Variants in SLC12A8 observed in about 807,000 individuals in gnomAD.
The protein encoded by SLC12A8 is solute carrier family 12 member 8.
A neutral mutation model predicts 75.6 loss-of-function variants in SLC12A8; 69 were observed. That is an observed-to-expected ratio of 0.91 (90% confidence interval 0.75 to 1.11). SLC12A8 has a LOEUF of 1.11. Ranked by LOEUF, SLC12A8 falls within the 50% of genes most tolerant of loss-of-function variation. The pLI is 0.00. For missense variants in SLC12A8, 877 were observed against 896.7 expected (o/e 0.98, Z 0.28); for synonymous variants, 365 against 372.8 (o/e 0.98, Z 0.24).
At chr3:125,120,938 C>T (rs1486071248) in intron 6 of SLC12A8, 11 of 686,190 alleles carry the variant, frequency 1.6e-5, no homozygotes, top group Non-Finnish European at 2.9e-5. Flanking sequence ...CCAAAAGCAT[C>T]CTACCGCTCA....
At chr3:125,170,013 G>GA (rs5852444) in intron 5 of SLC12A8, among the ~76,000 whole-genome samples, 152,065 of 152,084 alleles carry the variant, frequency 1, 76,023 homozygotes, top group Middle Eastern at 1. Context: ...ACAATTCAAA[G>GA]AAAAAAATAC....
Position 125,099,213 on chromosome 3 carries a change from C to T in SLC12A8, c.1706-7015G>A, listed in dbSNP as rs532335676. ...GACACAGGGGGCAACTCCTAGGAAG[C>T]AAGGCTAAACACATAAGAATAAAAA... On this transcript the variant is annotated intron_variant, in intron 10 of 13. Transcript: ENST00000469902. Among the ~76,000 whole-genome samples, 333 of 152,200 alleles carry T rather than the reference C, an allele frequency of 2.2e-3. 3 individuals carry two copies. The East Asian group carries it at 0.024, about 11-fold the overall frequency.
intron 5 of SLC12A8, among the ~76,000 whole-genome samples, chr3:125,159,612 T>C (rs898178374): frequency 6.6e-6 from 1 of 152,118 alleles, no homozygotes; most frequent in South Asian, 2.1e-4. Flanking sequence ...CAGGTATTTC[T>C]GGACATGGGT....
chr3:125,105,660 G>A lies in SLC12A8; in HGVS notation c.1705+1821C>T, dbSNP rs774972734. ...CTTAGTCATGATAACAAGAATACTA[G>A]CTTTTAATTTAATAAAAAACTGTGA... On this transcript the variant is annotated intron_variant, in intron 10 of 13. Coordinates refer to ENST00000469902, the MANE Select transcript of SLC12A8 (RefSeq NM_024628.6). Among the ~76,000 whole-genome samples, 9 of 152,304 alleles carry A rather than the reference G, an allele frequency of 5.9e-5. No homozygotes were observed. The South Asian group carries it at 6.2e-4, about 11-fold the overall frequency.
In SLC12A8 at chr3:125,094,051, C is replaced by T. The variant is rs1579463233; in HGVS notation, c.1706-1853G>A. The stretch of plus-strand genomic sequence containing the variant: ...GAAATCCTCATACTAATAATCTTTT[C>T]TTTCACTCATCCCAACTGTCAACTC... On this transcript the variant is annotated intron_variant, in intron 10 of 13. Coordinates refer to ENST00000469902, the MANE Select transcript of SLC12A8 (RefSeq NM_024628.6). Among the ~76,000 whole-genome samples, 3 of 152,294 alleles carry T rather than the reference C, an allele frequency of 2.0e-5. No homozygotes were observed. In the East Asian group the frequency reaches 5.8e-4, roughly 29 times the overall value.
chr3:125,211,905 A>C (rs112980643), intron 1 of SLC12A8, among the ~76,000 whole-genome samples: 3,860 of 152,194 alleles, frequency 0.025, 72 homozygotes, highest in Admixed American at 0.053. Context: ...AGGAGATTGA[A>C]GAGGGTGAGT....
chr3:125,115,855 C>A (rs1274008694), intron 8 of SLC12A8, among the ~76,000 whole-genome samples: 2 of 152,078 alleles, frequency 1.3e-5, no homozygotes, highest in Non-Finnish European at 2.9e-5. Context: ...TTTTCAGGCC[C>A]AGGAAAGCTC....
At chr3:125,089,947 C>T (rs942812032) in intron 12 of SLC12A8, among the ~76,000 whole-genome samples, 2 of 151,818 alleles carry the variant, frequency 1.3e-5, no homozygotes, top group Non-Finnish European at 2.9e-5. Flanking sequence ...CACCTTTATT[C>T]AGTTCAAAAT....
At chr3:125,114,258 G>C (rs1487243922) in intron 8 of SLC12A8, among the ~76,000 whole-genome samples, 3 of 152,192 alleles carry the variant, frequency 2.0e-5, no homozygotes, top group Non-Finnish European at 2.9e-5. Flanking sequence ...CCCACTCCCA[G>C]GTGCTGAGTG....
intron 6 of SLC12A8, among the ~76,000 whole-genome samples, chr3:125,128,206 A>G (rs1579490458): frequency 6.7e-5 from 6 of 90,108 alleles, no homozygotes; most frequent in East Asian, 3.5e-4. Flanking sequence ...TTTGAGACGG[A>G]GTCTCGCTCT....
At chr3:125,115,744 G>A (rs1939295030) in intron 8 of SLC12A8, among the ~76,000 whole-genome samples, 1 of 151,960 alleles carries the variant, frequency 6.6e-6, no homozygotes, top group Admixed American at 6.6e-5. Flanking sequence ...GAGTGCATTT[G>A]GGAGCTGCTT....
chr3:125,172,933 C>A (rs757607896), intron 5 of SLC12A8, among the ~76,000 whole-genome samples: 8 of 152,322 alleles, frequency 5.3e-5, no homozygotes, highest in Non-Finnish European at 1.2e-4. Context: ...AATCACAGCA[C>A]TTTGGGAGGC....
chr3:125,110,840 G>A lies in SLC12A8; in HGVS notation c.913-505C>T, dbSNP rs73191212. The A allele has an allele frequency of 7.4e-3, 1,128 of 152,666 alleles. 7 individuals are homozygous for A. The highest frequency in any genetic ancestry group is 0.024 in the South Asian group (117 of 4,830). The allele number at this position is 152,666 out of a possible 1,614,324, so 9.5% of individuals were successfully genotyped here. On this transcript the variant is annotated intron_variant, in intron 8 of 13. Coordinates refer to ENST00000469902, the MANE Select transcript of SLC12A8 (RefSeq NM_024628.6). ...ACTCAAATCTGACCACAATGTCTCC[G>A]TTGCAGATATATCAAAATCTCCCCC... is the stretch of plus-strand genomic sequence containing the variant.
intron 5 of SLC12A8, among the ~76,000 whole-genome samples, chr3:125,148,969 C>T (rs186397584): frequency 2.0e-5 from 3 of 152,076 alleles, no homozygotes; most frequent in African/African-American, 2.4e-5. Flanking sequence ...AAACCAGCAG[C>T]GGGGGGGCAC....
At chr3:125,140,905 T>C (rs1322563849) in intron 5 of SLC12A8, among the ~76,000 whole-genome samples, 2 of 152,090 alleles carry the variant, frequency 1.3e-5, no homozygotes, top group Non-Finnish European at 2.9e-5. Flanking sequence ...TTTCCAACAC[T>C]TGTTTTTTGA....
At chr3:125,188,435 C>T (rs1055794600) in intron 3 of SLC12A8, among the ~76,000 whole-genome samples, 1 of 152,186 alleles carries the variant, frequency 6.6e-6, no homozygotes, top group Non-Finnish European at 1.5e-5. Context: ...ATGTTTTCTT[C>T]CCCTTCATAT....
intron 5 of SLC12A8, among the ~76,000 whole-genome samples, chr3:125,170,026 G>C (rs1708338): frequency 0.9 from 136,832 of 152,104 alleles, 61,998 homozygotes; most frequent in Admixed American, 0.95. Flanking sequence ...AAAAATACAA[G>C]TGGGAATAAA....
chr3:125,088,899 A>G (rs1173987530), intron 12 of SLC12A8, among the ~76,000 whole-genome samples: 1 of 152,214 alleles, frequency 6.6e-6, no homozygotes, highest in Non-Finnish European at 1.5e-5. Context: ...GTTTGAAGTG[A>G]CATTGTTGTT....
At chr3:125,176,880 C>G (rs374812115) in intron 5 of SLC12A8, among the ~76,000 whole-genome samples, 5 of 150,718 alleles carry the variant, frequency 3.3e-5, no homozygotes, top group Admixed American at 6.6e-5. Flanking sequence ...GTTGGTGGGA[C>G]TGTAAACTAG....
Sources: gnomAD v4.1 joint callset for allele counts (sites outside exome capture counted in the v4.1 genomes callset) on GRCh38, gnomAD v4.1.1 for gene constraint, MANE v1.5 for transcripts, NCBI Gene and HGNC (gene_info 2026-07-23, HGNC 2026-07-21) for gene names.